ERCC1: variants seen among roughly 807,000 people sequenced by gnomAD.
ERCC1 encodes DNA excision repair protein ERCC-1.
ERCC1 carries 36 observed loss-of-function variants against 37.6 expected under a neutral mutation model. The observed-to-expected ratio is 0.96, with a 90% confidence interval of 0.73 to 1.26. The LOEUF is 1.26. Among genes scored for constraint, ERCC1 ranks in the 50% most tolerant of loss-of-function variants. The pLI is 0.00. For synonymous variants in ERCC1, 156 were observed against 162.1 expected (o/e 0.96, Z 0.28); for missense variants, 349 against 376.5 (o/e 0.93, Z 0.60).
intron 2 of ERCC1, 129 bp from the exon 3 acceptor site, chr19:45,421,522 T>C: frequency 1.5e-6 from 1 of 662,670 alleles, no homozygotes; most frequent in East Asian, 2.8e-5. Flanking sequence ...CAGACTGGAG[T>C]GTAGTGGCAC....
chr19:45,431,742 T>C (rs1269153430), intron 1 of ERCC1, among the ~76,000 whole-genome samples: 1 of 150,726 alleles, frequency 6.6e-6, no homozygotes, highest in Admixed American at 6.6e-5. Context: ...AATGTTAAAA[T>C]GAGCTGTGCT....
chr19:45,447,998 A>AG lies in ERCC1; in HGVS notation c.-7-24618dup, dbSNP rs559682128. 2.4e-3 allele frequency among the ~76,000 whole-genome samples: 369 copies of AG among 152,108 alleles called. 1 individual carries two copies. The highest frequency in any genetic ancestry group is 3.7e-3 in the Non-Finnish European group (249 of 67,984). On this transcript the variant is annotated intron_variant, in intron 1 of 8. Transcript: ENST00000423698. ...GTGATTCTCCTGCCTCAGTCTCCCA[A>AG]GTAGCTGGGACTACAGGTGTATGCC... is the stretch of plus-strand genomic sequence containing the variant.
intron 1 of ERCC1, among the ~76,000 whole-genome samples, chr19:45,447,890 G>C (rs916932897): frequency 1.6e-5 from 2 of 121,368 alleles, no homozygotes; most frequent in African/African-American, 6.0e-5. Flanking sequence ...TTTTTTTTTT[G>C]AGATAGTATC....
intron 1 of ERCC1, among the ~76,000 whole-genome samples, chr19:45,441,998 T>G (rs1975133125): frequency 7.7e-6 from 1 of 130,658 alleles, no homozygotes; most frequent in Non-Finnish European, 1.5e-5. Flanking sequence ...TTTTATTTTA[T>G]TTTTTTTAAT....
chr19:45,432,162 G>C (rs1974850528), intron 1 of ERCC1, among the ~76,000 whole-genome samples: 1 of 151,762 alleles, frequency 6.6e-6, no homozygotes, highest in South Asian at 2.1e-4. Flanking sequence ...AGTAGTGACG[G>C]TGTTTCACCA....
intron 1 of ERCC1, among the ~76,000 whole-genome samples, chr19:45,451,048 G>A (rs992254030): frequency 6.6e-6 from 1 of 152,082 alleles, no homozygotes; most frequent in South Asian, 2.1e-4. Flanking sequence ...CCCGCCGGGA[G>A]CCCGGGGCGG....
chr19:45,446,698 G>T (rs1028717385), intron 1 of ERCC1, among the ~76,000 whole-genome samples: 2 of 152,084 alleles, frequency 1.3e-5, no homozygotes, highest in Non-Finnish European at 1.5e-5. Flanking sequence ...ACATGGAGCC[G>T]GTGTAGAAAG....
intron 1 of ERCC1, among the ~76,000 whole-genome samples, chr19:45,442,731 A>G (rs951007609): frequency 1.3e-5 from 2 of 152,170 alleles, no homozygotes; most frequent in African/African-American, 4.8e-5. Flanking sequence ...GAGTCAAGGA[A>G]GGCTGCCTGG....
chr19:45,447,193 A>T (rs571991624), intron 1 of ERCC1, among the ~76,000 whole-genome samples: 1 of 151,548 alleles, frequency 6.6e-6, no homozygotes, highest in South Asian at 2.1e-4. Flanking sequence ...AAACACAGTC[A>T]CGCATACACA....
In ERCC1 at chr19:45,446,610, T is replaced by A. The variant is rs553903959; in HGVS notation, c.-7-23229A>T. Among the ~76,000 whole-genome samples the A allele has an allele frequency of 2.0e-5, 3 of 152,194 alleles. No homozygotes were observed. The South Asian group carries it at 6.2e-4, about 32-fold the overall frequency. ...GCCCACACACCCGAACATAACACTC[T>A]CAGTGCCTAGATTTACATCTAAACC... On this transcript the variant is annotated intron_variant, in intron 1 of 8. Transcript: ENST00000423698.
chr19:45,411,166 G>GT (rs1344667903), intron 9 of ERCC1, among the ~76,000 whole-genome samples: 1 of 151,868 alleles, frequency 6.6e-6, no homozygotes, highest in Admixed American at 6.6e-5. Context: ...TCCATTGTGT[G>GT]TAAGTACCAC....
Position 45,408,220 on chromosome 19 carries a change from C to CAGCTGCCCCCA in ERCC1, c.*1454_*1455insTGGGGGCAGCT, listed in dbSNP as rs1318404185. 6.2e-7 allele frequency: 1 copy of CAGCTGCCCCCA among 1,614,026 alleles called. No homozygotes were observed. Among genetic ancestry groups the CAGCTGCCCCCA allele is most frequent in the African/African-American group, 1.3e-5 (1 of 74,940 alleles). On this transcript the variant is annotated 3_prime_UTR_variant, in exon 10 of 10. Transcript: ENST00000300853. Reference sequence around the variant, plus strand: ...AGCGGCACCGCTATCGAGTCCTCAGCAGCTGTCCCCAAGCTGGAGAAGCGA... The same window carrying CAGCTGCCCCCA: ...AGCGGCACCGCTATCGAGTCCTCAGCAGCTGCCCCCAAGCTGTCCCCAAGCTGGAGAAGCGA...
At chr19:45,429,671 C>T (rs903319169) in intron 1 of ERCC1, among the ~76,000 whole-genome samples, 1 of 152,152 alleles carries the variant, frequency 6.6e-6, no homozygotes, top group African/African-American at 2.4e-5. Context: ...CCACTTGTCA[C>T]GATTTCTTGC....
Position 45,409,643 on chromosome 19 carries a change from T to TA in ERCC1, c.*31dup, listed in dbSNP as rs1245893313. Reference sequence around the variant, plus strand: ...CTGGCCTGGGAGGACGATTTATTATTACACTGGGGGTTTCCTTGGCAGCTG... The same window carrying TA: ...CTGGCCTGGGAGGACGATTTATTATTAACACTGGGGGTTTCCTTGGCAGCTG... On this transcript the variant is annotated 3_prime_UTR_variant, in exon 10 of 10. Coordinates refer to ENST00000300853, the MANE Select transcript of ERCC1 (RefSeq NM_001983.4). 2.1e-5 allele frequency: 31 copies of TA among 1,461,254 alleles called. No individual in the cohort carries two copies. Among genetic ancestry groups the TA allele is most frequent in the Non-Finnish European group, 2.6e-5 (27 of 1,042,984 alleles). The allele number at this position is 1,461,254 out of a possible 1,614,324, so 90.5% of individuals were successfully genotyped here. A position where few individuals can be genotyped will look rare whatever the true frequency, so the allele number is the denominator to read the frequency against.
Position 45,409,144 on chromosome 19 carries a change from G to T in ERCC1, c.*531C>A. On this transcript the variant is annotated 3_prime_UTR_variant, in exon 10 of 10. Transcript: ENST00000300853. ...AAAAGAAGACGAAGAAAGAAAAACA[G>T]CAAGATGCCACAGTGGAGCCAGAGA... 1 of 1,613,236 alleles carries T rather than the reference G, an allele frequency of 6.2e-7. No homozygotes were observed. The highest frequency in any genetic ancestry group is 8.5e-7 in the Non-Finnish European group (1 of 1,179,424).
chr19:45,431,722 C>A (rs1974836789), intron 1 of ERCC1, among the ~76,000 whole-genome samples: 1 of 149,782 alleles, frequency 6.7e-6, no homozygotes. Flanking sequence ...AGACCCCTAT[C>A]TCTACAAAAA....
At chr19:45,414,999 A>T (rs1401259856) in intron 6 of ERCC1, 39 bp from the exon 7 acceptor site, 1 of 1,472,956 alleles carries the variant, frequency 6.8e-7, no homozygotes, top group Non-Finnish European at 9.5e-7. Context: ...GAGGTGAGGT[A>T]TCAGATTATA....
At chr19:45,451,163 T>C (rs887290956) in intron 1 of ERCC1, among the ~76,000 whole-genome samples, 1 of 152,080 alleles carries the variant, frequency 6.6e-6, no homozygotes, top group Non-Finnish European at 1.5e-5. Context: ...TCCTCCTGTC[T>C]GCCCCGGGAC....
Position 45,421,304 on chromosome 19 carries a change from G to A in ERCC1, c.195C>T (p.Ile65=). 6.2e-7 allele frequency: 1 copy of A among 1,614,196 alleles called. No individual in the cohort carries two copies. The highest frequency in any genetic ancestry group is 1.1e-5 in the South Asian group (1 of 91,082). The part of the protein sequence containing the change: ...AAPQTYAEYA[I]SQPLEGAGAT... ...CCCCAGCCCCTTCCAGAGGCTGTGA[G>A]ATGGCATATTCGGCGTAGGTCTGAG... Residue 65 remains isoleucine (I), a synonymous_variant, in exon 3 of 10, where the codon ATC becomes ATT. Transcript: ENST00000300853.
Sources: gnomAD v4.1 joint callset for allele counts (sites outside exome capture counted in the v4.1 genomes callset) on GRCh38, gnomAD v4.1.1 for gene constraint, MANE v1.5 for transcripts, NCBI Gene and HGNC (gene_info 2026-07-23, HGNC 2026-07-21) for gene names.